MAGI1: variants seen among roughly 807,000 people sequenced by gnomAD.
The protein encoded by MAGI1 is membrane associated guanylate kinase, WW and PDZ domain containing 1.
MAGI1 carries 58 observed loss-of-function variants against 139.9 expected under a neutral mutation model. The observed-to-expected ratio is 0.41, with a 90% CI of 0.34 to 0.52. The LOEUF (loss-of-function observed/expected upper bound fraction) is 0.52. Ranked by LOEUF, MAGI1 falls within the 20% of genes least tolerant of loss-of-function variation. The pLI is 0.12. For missense variants in MAGI1, 1,874 were observed against 1,901.6 expected (o/e 0.99, Z 0.27); for synonymous variants, 812 against 737.9 (o/e 1.10, Z -1.63).
At chr3:65,761,894 A>G (rs989260631) in intron 1 of MAGI1, among the ~76,000 whole-genome samples, 5 of 152,204 alleles carry the variant, frequency 3.3e-5, no homozygotes, top group African/African-American at 1.2e-4. Flanking sequence ...TGAGAAATGA[A>G]AAATGGTCCT....
intron 1 of MAGI1, among the ~76,000 whole-genome samples, chr3:65,872,408 T>A (rs1402785209): frequency 6.6e-6 from 1 of 152,186 alleles, no homozygotes; most frequent in East Asian, 1.9e-4. Context: ...TATTAGCCTG[T>A]CCCCTTCTCC....
intron 5 of MAGI1, among the ~76,000 whole-genome samples, chr3:65,454,648 G>A (rs191670357): frequency 1.3e-5 from 2 of 150,446 alleles, no homozygotes; most frequent in African/African-American, 4.9e-5. Flanking sequence ...GTGACATTTC[G>A]GTTGTAAATT....
rs200157567 is a variant in MAGI1, at chr3:65,379,457, G to C, written c.2799C>G (p.Gly933=). The part of the protein sequence containing the change: ...SLTEEKRTPQ[G]SQNSLNTVSS... ...TCACCGTGTTCAGCGAGTTCTGGCT[G>C]CCCTGCGGAGTGCGCTTCTCTTCTG... The change falls in exon 17 of 23, where the codon GGC becomes GGG. Residue 933 remains glycine (G), a synonymous_variant. Coordinates refer to ENST00000402939, the MANE Select transcript of MAGI1 (RefSeq NM_001033057.2). The C allele has an allele frequency of 7.7e-5, 124 of 1,614,048 alleles. 1 individual carries two copies. In the Admixed American group the frequency reaches 1.2e-3, roughly 16 times the overall value.
chr3:66,012,127 A>G (rs183166930), intron 1 of MAGI1, among the ~76,000 whole-genome samples: 357 of 152,250 alleles, frequency 2.3e-3, no homozygotes, highest in African/African-American at 7.9e-3. Context: ...CTTCAAATTC[A>G]AAAGAATGAC....
chr3:65,540,289 C>G (rs2079150719), intron 2 of MAGI1, among the ~76,000 whole-genome samples: 1 of 152,164 alleles, frequency 6.6e-6, no homozygotes, highest in South Asian at 2.1e-4. Context: ...CATCAAACCC[C>G]TTTATTCTCT....
In MAGI1 at chr3:65,831,859, G is replaced by T. The variant is rs148608286; in HGVS notation, c.313+206137C>A. ...AAATTTAAAAAGGCAAATCTGAAAT[G>T]TGTCACCACATATGTGGGCCACAAG... On this transcript the variant is annotated intron_variant, in intron 1 of 22. Transcript: ENST00000402939. Among the ~76,000 whole-genome samples the T allele has an allele frequency of 2.2e-3, 335 of 152,324 alleles. 6 individuals carry two copies. The highest frequency in any genetic ancestry group is 7.6e-3 in the African/African-American group (318 of 41,584).
intron 1 of MAGI1, among the ~76,000 whole-genome samples, chr3:66,028,346 C>T (rs949409576): frequency 1.3e-5 from 2 of 152,160 alleles, no homozygotes; most frequent in Admixed American, 1.3e-4. Context: ...GTTTTACATA[C>T]ATTATCTCAT....
At chr3:65,816,439 G>A (rs1575595168) in intron 1 of MAGI1, among the ~76,000 whole-genome samples, 1 of 152,242 alleles carries the variant, frequency 6.6e-6, no homozygotes, top group East Asian at 1.9e-4. Context: ...GGGGTAGTGG[G>A]AACTGTACTG....
intron 2 of MAGI1, among the ~76,000 whole-genome samples, chr3:65,591,065 G>A (rs1414146259): frequency 6.6e-6 from 1 of 152,150 alleles, no homozygotes; most frequent in African/African-American, 2.4e-5. Context: ...GTGCAAGGAT[G>A]TTCCTTTCAT....
intron 1 of MAGI1, among the ~76,000 whole-genome samples, chr3:65,889,565 G>A (rs1477539036): frequency 6.6e-6 from 1 of 152,256 alleles, no homozygotes; most frequent in East Asian, 1.9e-4. Flanking sequence ...TGTGAGGCAG[G>A]GGAGAAATAC....
At chr3:65,698,010 A>T (rs1288268893) in intron 1 of MAGI1, among the ~76,000 whole-genome samples, 1 of 86,146 alleles carries the variant, frequency 1.2e-5, no homozygotes, top group Admixed American at 1.0e-4. Context: ...TTAAGCTGAT[A>T]AGCAACTTCA....
chr3:65,672,169 C>T (rs968600161), intron 1 of MAGI1, among the ~76,000 whole-genome samples: 1 of 152,106 alleles, frequency 6.6e-6, no homozygotes, highest in African/African-American at 2.4e-5. Context: ...GGAGTGTGCT[C>T]CTCTTTTCAG....
intron 1 of MAGI1, among the ~76,000 whole-genome samples, chr3:65,915,787 G>A (rs527523176): frequency 6.6e-6 from 1 of 151,676 alleles, no homozygotes; most frequent in South Asian, 2.1e-4. Flanking sequence ...TATACTTCCT[G>A]GCTTTCCTCT....
chr3:65,614,247 GT>G (rs1042461423), intron 2 of MAGI1, among the ~76,000 whole-genome samples: 2 of 152,194 alleles, frequency 1.3e-5, no homozygotes, highest in African/African-American at 4.8e-5. Context: ...TGGCCTGAAG[GT>G]GCTGGAAGGG....
chr3:65,650,481 A>C (rs2107307846), intron 1 of MAGI1, among the ~76,000 whole-genome samples: 1 of 152,368 alleles, frequency 6.6e-6, no homozygotes, highest in South Asian at 2.1e-4. Flanking sequence ...TGATACATGC[A>C]ACAGCCTAGA....
chr3:65,478,554 C>T (rs758265316), intron 4 of MAGI1, 38 bp downstream of exon 4: 2 of 1,583,244 alleles, frequency 1.3e-6, no homozygotes, highest in Admixed American at 1.7e-5. Flanking sequence ...GTCATCCCTT[C>T]CCCAGGTCCA....
At chr3:65,839,088 G>A (rs1231105825) in intron 1 of MAGI1, among the ~76,000 whole-genome samples, 1 of 152,150 alleles carries the variant, frequency 6.6e-6, no homozygotes, top group Non-Finnish European at 1.5e-5. Context: ...ATAAATTCTA[G>A]ATGAGTCCTT....
intron 1 of MAGI1, among the ~76,000 whole-genome samples, chr3:65,798,905 AC>A (rs879535929): frequency 2.6e-5 from 4 of 152,096 alleles, no homozygotes; most frequent in Non-Finnish European, 5.9e-5. Flanking sequence ...TACCCCGTAT[AC>A]CCTCACCACC....
chr3:65,710,699 C>T lies in MAGI1; in HGVS notation c.314-88611G>A, dbSNP rs368456944. Among the ~76,000 whole-genome samples the T allele has an allele frequency of 7.2e-5, 11 of 152,290 alleles. No individual in the cohort carries two copies. In the South Asian group the frequency reaches 1.2e-3, roughly 17 times the overall value. ...TAGATACAGTGATTCTCATTCCACACGTGAAGAAACTGATTTTCAGAGACT... is the reference window on the plus strand; with the variant it reads ...TAGATACAGTGATTCTCATTCCACATGTGAAGAAACTGATTTTCAGAGACT... On this transcript the variant is annotated intron_variant, in intron 1 of 22. Coordinates refer to ENST00000402939, the MANE Select transcript of MAGI1 (RefSeq NM_001033057.2).
Sources: allele counts gnomAD v4.1 joint callset (sites outside exome capture counted in the v4.1 genomes callset), GRCh38; gene constraint gnomAD v4.1.1; transcripts MANE v1.5; gene names NCBI Gene and HGNC (gene_info 2026-07-23, HGNC 2026-07-21).